Variants in AHI1 observed in about 807,000 individuals in gnomAD.
The protein encoded by AHI1 is jouberin.
A neutral mutation model predicts 149.3 loss-of-function variants in AHI1; 123 were observed. The observed-to-expected ratio is 0.82, with a 90% CI of 0.71 to 0.96. The LOEUF is 0.96. AHI1 is among the 40% of genes least tolerant of loss of function. The pLI is 0.00. For missense variants in AHI1, 1,439 were observed against 1,422.7 expected, an observed-to-expected ratio of 1.01 and a Z score of -0.18; for synonymous variants, 475 against 459.8, an observed-to-expected ratio of 1.03 and a Z score of -0.42.
intron 26 of AHI1, among the ~76,000 whole-genome samples, chr6:135,313,249 T>C (rs1184693474): frequency 6.6e-6 from 1 of 152,192 alleles, no homozygotes; most frequent in Non-Finnish European, 1.5e-5. Context: ...CTTACACACA[T>C]AGCACATTCC....
At chr6:135,376,213 G>T (rs918871083) in intron 23 of AHI1, among the ~76,000 whole-genome samples, 1 of 152,084 alleles carries the variant, frequency 6.6e-6, no homozygotes, top group African/African-American at 2.4e-5. Context: ...ATTATTTCAG[G>T]CTAGGATCAT....
In AHI1 at chr6:135,411,329, C is replaced by T. The variant is rs759457547; in HGVS notation, c.2961+19G>A. The T allele has an allele frequency of 4.4e-6, 7 of 1,602,358 alleles. No individual in the cohort carries two copies. The highest frequency in any genetic ancestry group is 5.1e-6 in the Non-Finnish European group (6 of 1,170,820). On this transcript the variant is annotated intron_variant, in intron 21 of 28. Transcript: ENST00000265602. ...GATAGAAATAGTTTTAAAGTTTCAA[C>T]TGCATAAAATAAACTTACTGTGACA...
intron 24 of AHI1, among the ~76,000 whole-genome samples, chr6:135,332,635 GAA>G (rs980413696): frequency 2.6e-5 from 4 of 152,216 alleles, no homozygotes; most frequent in Non-Finnish European, 5.9e-5. Flanking sequence ...AATTGGGAGA[GAA>G]AGAGAGCCAA....
intron 26 of AHI1, among the ~76,000 whole-genome samples, chr6:135,315,796 C>T (rs1024908352): frequency 7.9e-5 from 12 of 152,178 alleles, no homozygotes; most frequent in Admixed American, 1.3e-4. Flanking sequence ...CTTTGCCACT[C>T]GCATTAGAAA....
chr6:135,385,364 A>C (rs1007730637), intron 23 of AHI1, among the ~76,000 whole-genome samples: 5 of 152,192 alleles, frequency 3.3e-5, no homozygotes, highest in Admixed American at 1.3e-4. Flanking sequence ...TTAGCAAAGG[A>C]GAATGAAGAG....
intron 8 of AHI1, among the ~76,000 whole-genome samples, chr6:135,460,727 ACTGT>A (rs1789738113): frequency 6.6e-6 from 1 of 152,218 alleles, no homozygotes; most frequent in Non-Finnish European, 1.5e-5. Flanking sequence ...GTTGGTACAA[ACTGT>A]CTAATTTAAA....
intron 8 of AHI1, among the ~76,000 whole-genome samples, chr6:135,458,745 A>C (rs1263333073): frequency 2.0e-5 from 3 of 152,198 alleles, no homozygotes; most frequent in Non-Finnish European, 4.4e-5. Flanking sequence ...TGTCTAACAT[A>C]TAGCCAGTCT....
intron 27 of AHI1, among the ~76,000 whole-genome samples, chr6:135,292,377 T>C (rs992777306): frequency 3.3e-5 from 5 of 152,240 alleles, no homozygotes; most frequent in South Asian, 4.1e-4. Context: ...ACAATCTATA[T>C]ACAATCTATC....
At chr6:135,387,863 T>C (rs1414758018) in intron 23 of AHI1, 1 of 1,508,420 alleles carries the variant, frequency 6.6e-7, no homozygotes, top group African/African-American at 1.4e-5. Context: ...GACAATTCTA[T>C]GAAGTAGGAA....
chr6:135,308,310 A>G (rs536778811), intron 26 of AHI1, among the ~76,000 whole-genome samples: 60 of 152,200 alleles, frequency 3.9e-4, no homozygotes, highest in South Asian at 8.3e-4. Context: ...ATCACTGTTC[A>G]CTGCAGCCTC....
intron 27 of AHI1, among the ~76,000 whole-genome samples, chr6:135,299,748 A>C (rs1783611902): frequency 6.6e-6 from 1 of 152,182 alleles, no homozygotes; most frequent in African/African-American, 2.4e-5. Flanking sequence ...TTTTAAAATA[A>C]ATACTTCAAA....
intron 8 of AHI1, among the ~76,000 whole-genome samples, chr6:135,457,958 A>G (rs776410888): frequency 5.9e-5 from 9 of 152,198 alleles, no homozygotes; most frequent in Non-Finnish European, 8.8e-5. Flanking sequence ...GAGAAACACA[A>G]AAAGAAAAAA....
At chr6:135,382,780 TA>T (rs551051429) in intron 23 of AHI1, among the ~76,000 whole-genome samples, 9 of 148,612 alleles carry the variant, frequency 6.1e-5, no homozygotes, top group African/African-American at 9.9e-5. Context: ...ACAAAGGAAA[TA>T]AAAAAAACTG....
intron 27 of AHI1, among the ~76,000 whole-genome samples, chr6:135,292,365 T>TATATA (rs1326743973): frequency 9.9e-5 from 15 of 152,190 alleles, no homozygotes; most frequent in African/African-American, 3.6e-4. Context: ...CTTTTATCTC[T>TATATA]CACAATCTAT....
At chr6:135,368,735 C>T (rs770416133) in intron 23 of AHI1, among the ~76,000 whole-genome samples, 3 of 151,344 alleles carry the variant, frequency 2.0e-5, no homozygotes, top group South Asian at 2.1e-4. Context: ...ATGCCACTCT[C>T]GTTCCCACTC....
chr6:135,310,135 C>A (rs1161061496), intron 26 of AHI1, among the ~76,000 whole-genome samples: 2 of 152,066 alleles, frequency 1.3e-5, no homozygotes, highest in Non-Finnish European at 2.9e-5. Flanking sequence ...AAAATCTGCA[C>A]TGTCTATTAT....
chr6:135,340,439 A>C (rs1033878405), intron 24 of AHI1, among the ~76,000 whole-genome samples: 1 of 151,660 alleles, frequency 6.6e-6, no homozygotes, highest in Non-Finnish European at 1.5e-5. Flanking sequence ...TGGGTTACTG[A>C]AAAAATAAAT....
chr6:135,484,691 T>C lies in AHI1; in HGVS notation c.135+5932A>G, dbSNP rs181170495. ...TTAGCAATTATTATCACTAGCTATATGTAAGACTATTAATGCTATGACTAT... is the reference window on the plus strand; with the variant it reads ...TTAGCAATTATTATCACTAGCTATACGTAAGACTATTAATGCTATGACTAT... On this transcript the variant is annotated intron_variant, in intron 5 of 28. Coordinates refer to ENST00000265602, the MANE Select transcript of AHI1 (RefSeq NM_001134831.2). Among the ~76,000 whole-genome samples, 888 of 152,164 alleles carry C rather than the reference T, an allele frequency of 5.8e-3. 2 individuals are homozygous for C. The highest frequency in any genetic ancestry group is 9.1e-3 in the Non-Finnish European group (616 of 68,004).
intron 24 of AHI1, among the ~76,000 whole-genome samples, chr6:135,324,408 T>TA (rs34416993): frequency 0.072 from 10,917 of 152,030 alleles, 1,246 homozygotes; most frequent in African/African-American, 0.24. Flanking sequence ...TTAGATCTGA[T>TA]ACACTGTATA....
Sources: allele counts gnomAD v4.1 joint callset (sites outside exome capture counted in the v4.1 genomes callset), GRCh38; gene constraint gnomAD v4.1.1; transcripts MANE v1.5; gene names NCBI Gene and HGNC (gene_info 2026-07-23, HGNC 2026-07-21).